The following CREBBP variants were observed in gnomAD, a reference collection of about 807,000 sequenced individuals.
The protein encoded by CREBBP is CREB-binding protein.
CREBBP carries 19 observed loss-of-function variants against 265.0 expected under a neutral mutation model. That is an observed-to-expected ratio of 0.07 (90% CI 0.05 to 0.11). The LOEUF is 0.11. Ranked by LOEUF, CREBBP falls within the 10% of genes least tolerant of loss-of-function variation. The pLI, the probability that CREBBP is intolerant of heterozygous loss-of-function variation, is 1.00. For synonymous variants in CREBBP, 1,457 were observed against 1,223.7 expected (o/e 1.19, Z -3.98); for missense variants, 2,525 against 3,219.0 (o/e 0.78, Z 5.22).
intron 2 of CREBBP, among the ~76,000 whole-genome samples, chr16:3,827,552 C>T (rs992309589): frequency 3.3e-5 from 5 of 152,090 alleles, no homozygotes; most frequent in East Asian, 3.9e-4. Flanking sequence ...CCACCACGCC[C>T]GGCTAATTTT....
chr16:3,874,057 A>C (rs1246516715), intron 1 of CREBBP, among the ~76,000 whole-genome samples: 3 of 152,148 alleles, frequency 2.0e-5, no homozygotes, highest in African/African-American at 7.2e-5. Context: ...GCAAGCCTAG[A>C]GCCTGAGATG....
chr16:3,781,138 A>C (rs2053264536), intron 7 of CREBBP, 66 bp downstream of exon 7: 1 of 1,408,554 alleles, frequency 7.1e-7, no homozygotes, highest in Non-Finnish European at 1.0e-6. Flanking sequence ...AGAAAGAATC[A>C]GTTTTGTGTG....
chr16:3,845,687 A>G (rs1490692292), intron 2 of CREBBP, among the ~76,000 whole-genome samples: 1 of 152,032 alleles, frequency 6.6e-6, no homozygotes, highest in Non-Finnish European at 1.5e-5. Flanking sequence ...GGAGTTCAGG[A>G]CCAGCCTGGG....
chr16:3,824,967 A>G (rs2054210061), intron 2 of CREBBP, among the ~76,000 whole-genome samples: 1 of 152,210 alleles, frequency 6.6e-6, no homozygotes, highest in Admixed American at 6.5e-5. Flanking sequence ...GGGATAGCAC[A>G]TGGGAAAATG....
chr16:3,792,992 G>A (rs2053536714), intron 4 of CREBBP, among the ~76,000 whole-genome samples: 1 of 152,230 alleles, frequency 6.6e-6, no homozygotes, highest in Non-Finnish European at 1.5e-5. Context: ...TTGGGATGCA[G>A]GAAGGGCGTG....
chr16:3,791,929 G>C, intron 5 of CREBBP, 52 bp downstream of exon 5: 2 of 1,474,908 alleles, frequency 1.4e-6, no homozygotes, highest in East Asian at 4.5e-5. Context: ...ATTTTCTTTA[G>C]AAACAACTTC....
chr16:3,760,552 A>G (rs1010611191), intron 16 of CREBBP, among the ~76,000 whole-genome samples: 2 of 149,574 alleles, frequency 1.3e-5, no homozygotes, highest in Admixed American at 6.6e-5. Flanking sequence ...ACAGGTGCCC[A>G]CCACCACGCC....
At chr16:3,780,182 C>T (rs1172865311) in intron 8 of CREBBP, among the ~76,000 whole-genome samples, 1 of 141,264 alleles carries the variant, frequency 7.1e-6, no homozygotes, top group African/African-American at 2.7e-5. Context: ...GCGGAGGTTG[C>T]AGTGAGCTAA....
rs1211495942 is a variant in CREBBP at position 3,726,359 on chromosome 16, CTG to C, written c.*1357_*1358del. The C allele has an allele frequency of 8.6e-6, 2 of 233,158 alleles. No individual in the cohort carries two copies. The highest frequency in any genetic ancestry group is 1.1e-4 in the Admixed American group (2 of 17,780). 14.4% of individuals were successfully genotyped at this position (233,158 alleles called of 1,614,324 possible). ...GTTTCAGACCAACTGACGACCCTAACTGTGTGAGCGACAATCACCTGTGAGCC... is the reference window on the plus strand; with the variant it reads ...GTTTCAGACCAACTGACGACCCTAACTGTGAGCGACAATCACCTGTGAGCC... On this transcript the variant is annotated 3_prime_UTR_variant, in exon 31 of 31. Coordinates refer to ENST00000262367, the MANE Select transcript of CREBBP (RefSeq NM_004380.3).
At chr16:3,764,669 G>C (rs2052804023) in intron 16 of CREBBP, among the ~76,000 whole-genome samples, 1 of 151,716 alleles carries the variant, frequency 6.6e-6, no homozygotes. Flanking sequence ...CTGCAGCCTT[G>C]GACCCCTGAG....
intron 1 of CREBBP, among the ~76,000 whole-genome samples, chr16:3,855,783 C>T (rs1298127069): frequency 3.9e-5 from 6 of 152,196 alleles, no homozygotes; most frequent in Admixed American, 1.3e-4. Flanking sequence ...CGCTATTTTG[C>T]TATCCTAAAT....
rs2141492385 is a variant in CREBBP, at chr16:3,850,558, A to T, written c.537T>A (p.Ala179=). Residue 179 remains alanine, a synonymous_variant, in exon 2 of 31, where the codon GCT becomes GCA. Transcript: ENST00000262367. ...GGCCTGGGTGGGTCTGGTTAAAGTT[A>T]GCATTCATGCAGATACCAGGTCCAG... The part of the protein sequence containing the change: ...SQTGPGICMN[A]NFNQTHPGLL... 6.2e-7 allele frequency: 1 copy of T among 1,614,250 alleles called. No homozygotes were observed. Among genetic ancestry groups the T allele is most frequent in the African/African-American group, 1.3e-5 (1 of 75,066 alleles).
At chr16:3,790,524 G>A (rs755834742) in intron 5 of CREBBP, among the ~76,000 whole-genome samples, 6 of 152,068 alleles carry the variant, frequency 3.9e-5, no homozygotes, top group East Asian at 1.9e-4. Context: ...ACAGGCATGC[G>A]CCACCACGCC....
At chr16:3,862,149 G>A (rs758667581) in intron 1 of CREBBP, among the ~76,000 whole-genome samples, 39 of 152,158 alleles carry the variant, frequency 2.6e-4, no homozygotes, top group African/African-American at 8.9e-4. Context: ...AAATTAACAC[G>A]TATGTCATAT....
chr16:3,818,179 T>G (rs1270933390), intron 2 of CREBBP, among the ~76,000 whole-genome samples: 1 of 151,286 alleles, frequency 6.6e-6, no homozygotes, highest in Non-Finnish European at 1.5e-5. Context: ...ATGTGACCAA[T>G]GGGGGGCCGG....
At position 3,868,085 on chromosome 16, in the gene CREBBP, T is replaced by G. The variant is rs191944800; in HGVS notation, c.85+11747A>C. ...CAAAAAGAGTAAGAAGAGACCATAT[T>G]TGCCTGGCTACGCACAGTCCATCTC... On this transcript the variant is annotated intron_variant, in intron 1 of 30. Coordinates refer to ENST00000262367, the MANE Select transcript of CREBBP (RefSeq NM_004380.3). Among the ~76,000 whole-genome samples the G allele has an allele frequency of 2.7e-3, 410 of 152,290 alleles. 8 individuals carry two copies. Among genetic ancestry groups the G allele is most frequent in the Admixed American group, 0.025 (387 of 15,300 alleles).
rs564893228 is a variant in CREBBP at position 3,857,941 on chromosome 16, T to C, written c.86-6932A>G. ...ACCCAGTGAGGAATGAGGAAAATAG[T>C]AGGGACTTAGGAAGGAGAAAGTTAC... On this transcript the variant is annotated intron_variant, in intron 1 of 30. Transcript: ENST00000262367. 4.6e-5 allele frequency among the ~76,000 whole-genome samples: 7 copies of C among 152,228 alleles called. No individual in the cohort carries two copies. In the South Asian group the frequency reaches 1.2e-3, roughly 27 times the overall value.
intron 26 of CREBBP, among the ~76,000 whole-genome samples, chr16:3,737,192 A>G (rs907043943): frequency 3.3e-5 from 5 of 152,232 alleles, no homozygotes; most frequent in African/African-American, 1.2e-4. Context: ...CAATGTCAAC[A>G]TAAACCTCAT....
At position 3,770,615 on chromosome 16, in the gene CREBBP, C is replaced by A; in HGVS notation, c.2835G>T (p.Ser945=). ...QPPSVATPQS[S]QQQPTPVHAQ... is the part of the protein sequence containing the mutation. ...CGTGCACAGGCGTCGGCTGTTGCTG[C>A]GATGACTGAGGGGTAGCCACAGACG... Residue 945 remains serine, a synonymous_variant, in exon 14 of 31, where the codon TCG becomes TCT. Transcript: ENST00000262367. 1 of 1,613,844 alleles carries A rather than the reference C, an allele frequency of 6.2e-7. No homozygotes were observed.
Sources: gnomAD v4.1 joint callset for allele counts (sites outside exome capture counted in the v4.1 genomes callset) on GRCh38, gnomAD v4.1.1 for gene constraint, MANE v1.5 for transcripts, NCBI Gene and HGNC (gene_info 2026-07-23, HGNC 2026-07-21) for gene names.